Variants in VCAN observed in about 807,000 individuals in gnomAD.
VCAN encodes the protein versican.
A neutral mutation model predicts 245.5 loss-of-function variants in VCAN; 44 were observed. The ratio of observed to expected loss-of-function variants is 0.18; its 90% CI spans 0.14 to 0.23. VCAN has a LOEUF of 0.23. Ranked by LOEUF, VCAN falls within the 10% of genes least tolerant of loss-of-function variation. VCAN has a pLI of 1.00. For missense variants in VCAN, 3,793 were observed against 4,057.9 expected (o/e 0.93, Z 1.77); for synonymous variants, 1,413 against 1,437.0 (o/e 0.98, Z 0.38).
At chr5:83,499,536 T>C (rs1351578660) in intron 5 of VCAN, among the ~76,000 whole-genome samples, 1 of 152,188 alleles carries the variant, frequency 6.6e-6, no homozygotes, top group South Asian at 2.1e-4. Context: ...AAAGATCTAC[T>C]TTTTACCATT....
At chr5:83,560,848 T>TC (rs1364314653) in intron 12 of VCAN, among the ~76,000 whole-genome samples, 1 of 152,088 alleles carries the variant, frequency 6.6e-6, no homozygotes, top group Non-Finnish European at 1.5e-5. Flanking sequence ...CTTCAATGAT[T>TC]CCCCCCAGCA....
chr5:83,532,078 TG>T (rs1746543586), intron 7 of VCAN, among the ~76,000 whole-genome samples: 1 of 152,108 alleles, frequency 6.6e-6, no homozygotes, highest in African/African-American at 2.4e-5. Context: ...ATTACACCAT[TG>T]GGTTGCTCTG....
chr5:83,562,702 C>T (rs1458685763), intron 12 of VCAN, among the ~76,000 whole-genome samples: 1 of 152,044 alleles, frequency 6.6e-6, no homozygotes, highest in Non-Finnish European at 1.5e-5. Context: ...GCAGTCTCTC[C>T]TTACATTTGG....
chr5:83,539,130 G>A lies in VCAN; in HGVS notation c.6127G>A (p.Glu2043Lys), dbSNP rs138937534. The A allele has an allele frequency of 6.8e-5, 110 of 1,613,870 alleles. 1 individual carries two copies. The highest frequency in any genetic ancestry group is 3.5e-4 in the African/African-American group (26 of 74,922). ...FSGTASSIIDEGLGEVGTVNE... is the reference protein window; with the variant it reads ...FSGTASSIIDKGLGEVGTVNE... Reference sequence around the variant, plus strand: ...TGGTACAGCTTCCTCCATTATCGACGAAGGATTGGGAGAAGTGGGTACTGT... The same window carrying A: ...TGGTACAGCTTCCTCCATTATCGACAAAGGATTGGGAGAAGTGGGTACTGT... The change falls in exon 8 of 15, where the codon GAA (glutamate) becomes AAA (lysine). Residue 2043 changes from glutamate to lysine, a missense_variant. Glu to Lys is a moderately conservative substitution (Grantham distance 56). Transcript: ENST00000265077.
At chr5:83,518,099 G>A (rs1395300779) in intron 6 of VCAN, among the ~76,000 whole-genome samples, 1 of 152,026 alleles carries the variant, frequency 6.6e-6, no homozygotes, top group African/African-American at 2.4e-5. Flanking sequence ...CCTCTTTTCA[G>A]GGCAAACAAG....
chr5:83,520,455 G>A lies in VCAN; in HGVS notation c.2149G>A (p.Glu717Lys). The change falls in exon 7 of 15, where the codon GAA becomes AAA. Residue 717 changes from glutamate to lysine, a missense_variant. By Grantham distance (56) the Glu-to-Lys change is moderately conservative (BLOSUM62 1). Coordinates refer to ENST00000265077, the MANE Select transcript of VCAN (RefSeq NM_004385.5). ...TAAAAGTCCATTTATGGGAAAAACAGAAGAAGAAGTCTTCTCTGGGATGAA... is the reference window on the plus strand; with the variant it reads ...TAAAAGTCCATTTATGGGAAAAACAAAAGAAGAAGTCTTCTCTGGGATGAA... ...ITKSPFMGKT[E>K]EEVFSGMKLS... The A allele has an allele frequency of 6.2e-7, 1 of 1,613,806 alleles. No homozygotes were observed. Among genetic ancestry groups the A allele is most frequent in the South Asian group, 1.1e-5 (1 of 91,014 alleles).
chr5:83,516,172 C>T (rs906632425), intron 6 of VCAN, among the ~76,000 whole-genome samples: 2 of 152,070 alleles, frequency 1.3e-5, no homozygotes, highest in African/African-American at 2.4e-5. Flanking sequence ...CCTGTAGTCC[C>T]AGTCGGGAGG....
In VCAN at chr5:83,553,307, G is replaced by A. The variant is rs1246107191; in HGVS notation, c.9494-57G>A. On this transcript the variant is annotated intron_variant, in intron 10 of 14. Coordinates refer to ENST00000265077, the MANE Select transcript of VCAN (RefSeq NM_004385.5). ...GTATCCTACTAACACTTGGTTGGGG[G>A]TGCCAAGTTTGAATGACGTATGTGC... 1.9e-6 allele frequency: 3 copies of A among 1,606,386 alleles called. No homozygotes were observed. The South Asian group carries it at 3.3e-5, about 18-fold the overall frequency.
At chr5:83,533,402 A>C (rs1304291744) in intron 7 of VCAN, among the ~76,000 whole-genome samples, 1 of 152,114 alleles carries the variant, frequency 6.6e-6, no homozygotes, top group Admixed American at 6.6e-5. Flanking sequence ...TGGCAGGAAC[A>C]TTTGTTTCAG....
intron 7 of VCAN, among the ~76,000 whole-genome samples, chr5:83,525,232 T>C (rs1043076768): frequency 6.6e-6 from 1 of 152,054 alleles, no homozygotes; most frequent in Admixed American, 6.6e-5. Context: ...TGAAAAATGC[T>C]ATGGGGTGTG....
At chr5:83,525,353 T>C (rs1215414071) in intron 7 of VCAN, among the ~76,000 whole-genome samples, 1 of 152,132 alleles carries the variant, frequency 6.6e-6, no homozygotes, top group African/African-American at 2.4e-5. Flanking sequence ...TGAACATGCA[T>C]GAAGGCCAGA....
chr5:83,579,077 T>C (rs1323154728), intron 13 of VCAN, among the ~76,000 whole-genome samples: 1 of 152,174 alleles, frequency 6.6e-6, no homozygotes, highest in African/African-American at 2.4e-5. Context: ...TTAAGGTATT[T>C]ATGAAACTCA....
chr5:83,500,828 C>A (rs1283731345), intron 5 of VCAN, among the ~76,000 whole-genome samples: 1 of 152,134 alleles, frequency 6.6e-6, no homozygotes, highest in Non-Finnish European at 1.5e-5. Context: ...GATTGGATTA[C>A]AATGATTGGG....
chr5:83,532,958 A>C (rs1048136298), intron 7 of VCAN, among the ~76,000 whole-genome samples: 2 of 152,160 alleles, frequency 1.3e-5, no homozygotes, highest in African/African-American at 4.8e-5. Flanking sequence ...TTGTTAAAAA[A>C]GTAAATTTCA....
Position 83,537,262 on chromosome 5 carries a change from T to C in VCAN, c.4259T>C (p.Val1420Ala). ...AATGGGAAGCATCTCGTTACCACTG[T>C]GCCCAAGGACCCAGAAGCTGCAGAA... ...YINGKHLVTT[V>A]PKDPEAAEAR... Residue 1420 changes from valine to alanine, a missense_variant, in exon 8 of 15, where the codon GTG (valine) becomes GCG (alanine). By Grantham distance (64) the Val-to-Ala change is moderately conservative. Transcript: ENST00000265077. 6.2e-7 allele frequency: 1 copy of C among 1,613,994 alleles called. No homozygotes were observed. The highest frequency in any genetic ancestry group is 8.5e-7 in the Non-Finnish European group (1 of 1,179,962).
In VCAN at chr5:83,538,018, A is replaced by G. The variant is rs1746794566; in HGVS notation, c.5015A>G (p.Asp1672Gly). ...ACTACTGATACACTCATTACTTTAG[A>G]CACTAGCAGGATAATCACAGAAAGC... is the stretch of plus-strand genomic sequence containing the variant. Reference protein sequence around the residue: ...RNTTDTLITLDTSRIITESFF... With the variant: ...RNTTDTLITLGTSRIITESFF... Residue 1672 changes from aspartate to glycine, a missense_variant, in exon 8 of 15, where the codon GAC (aspartate) becomes GGC (glycine). This residue lies in a region of VCAN where 3,182 missense variants were observed against 3,250.3 expected (regional missense o/e 0.98). Transcript: ENST00000265077. 2 of 1,613,958 alleles carry G rather than the reference A, an allele frequency of 1.2e-6. No individual in the cohort carries two copies. The highest frequency in any genetic ancestry group is 4.5e-5 in the East Asian group (2 of 44,868).
Position 83,520,379 on chromosome 5 carries a change from A to G in VCAN, c.2073A>G (p.Ile691Met). The part of the protein sequence containing the change: ...THRRERTETL[I>M]PEMRTDTYTD... ...GAAGAGAAAGAACAGAAACACTAAT[A>G]CCAGAGATGAGAACAGATACTTATA... Residue 691 changes from isoleucine (I) to methionine (M), a missense_variant, in exon 7 of 15, where the codon ATA (isoleucine) becomes ATG (methionine). Ile to Met is a conservative substitution (Grantham distance 10). This residue lies in a region of VCAN where 3,182 missense variants were observed against 3,250.3 expected (regional missense o/e 0.98). Transcript: ENST00000265077. 1.2e-6 allele frequency: 2 copies of G among 1,612,568 alleles called. No individual in the cohort carries two copies. The highest frequency in any genetic ancestry group is 1.7e-6 in the Non-Finnish European group (2 of 1,179,472).
rs749496810 is a variant in VCAN, at chr5:83,522,223, C to G, written c.3917C>G (p.Ala1306Gly). Reference protein sequence around the residue: ...VEDKEAFGPQALSTPQPPAST... With the variant: ...VEDKEAFGPQGLSTPQPPAST... ...GACAAAGAGGCCTTTGGACCTCAGG[C>G]GCTTTCTACGCCACAGCCCCCAGCA... Residue 1306 changes from alanine (A) to glycine (G), a missense_variant, in exon 7 of 15, where the codon GCG becomes GGG. Around this residue, in one of 5 missense-constraint regions of VCAN, gnomAD observed 3,182 missense variants for 3,250.3 expected, o/e 0.98. Transcript: ENST00000265077. The G allele has an allele frequency of 6.2e-7, 1 of 1,602,082 alleles. No homozygotes were observed. The highest frequency in any genetic ancestry group is 1.1e-5 in the South Asian group (1 of 90,986).
chr5:83,495,899 A>T (rs1745143167), intron 5 of VCAN, among the ~76,000 whole-genome samples: 1 of 152,140 alleles, frequency 6.6e-6, no homozygotes, highest in Non-Finnish European at 1.5e-5. Context: ...CCAGCCAGAG[A>T]GCCCTAGAGA....
Sources: gnomAD v4.1 joint callset for allele counts (sites outside exome capture counted in the v4.1 genomes callset) on GRCh38, gnomAD v4.1.1 for gene constraint, gnomAD v4.1.1 regional missense constraint, MANE v1.5 for transcripts, NCBI Gene and HGNC (gene_info 2026-07-23, HGNC 2026-07-21) for gene names.